Variants in KLHL7 observed in about 807,000 individuals in gnomAD.
KLHL7 encodes kelch like family member 7, also known as kelch-like protein 7.
A neutral mutation model predicts 67.4 loss-of-function variants in KLHL7; 44 were observed. The observed-to-expected ratio is 0.65, with a 90% CI of 0.51 to 0.84. KLHL7 has a LOEUF of 0.84. KLHL7 is among the 40% of genes least tolerant of loss of function. The pLI is 0.00. For synonymous variants in KLHL7, 252 were observed against 243.3 expected (o/e 1.04, Z -0.33); for missense variants, 362 against 718.1 (o/e 0.50, Z 5.67).
rs772888413 is a variant in KLHL7 at position 23,165,658 on chromosome 7, T to G, written c.937-40T>G. Reference sequence around the variant, plus strand: ...TTGCATTGTCCTTTTCAGTTATATTTTTTTCCTTACTGAAAGCTTCCCATC... The same window carrying G: ...TTGCATTGTCCTTTTCAGTTATATTGTTTTCCTTACTGAAAGCTTCCCATC... On this transcript the variant is annotated intron_variant, in intron 7 of 10. Coordinates refer to ENST00000339077, the MANE Select transcript of KLHL7 (RefSeq NM_001031710.3). 3 of 1,610,822 alleles carry G rather than the reference T, an allele frequency of 1.9e-6. No homozygotes were observed. The South Asian group carries it at 3.3e-5, about 18-fold the overall frequency.
chr7:23,110,367 C>A (rs774285273), intron 1 of KLHL7, among the ~76,000 whole-genome samples: 2 of 152,204 alleles, frequency 1.3e-5, no homozygotes, highest in Admixed American at 6.5e-5. Flanking sequence ...TAGGCTTTGG[C>A]TTCCTGGATG....
intron 1 of KLHL7, among the ~76,000 whole-genome samples, chr7:23,117,650 G>A (rs189983887): frequency 2.6e-5 from 4 of 152,202 alleles, no homozygotes; most frequent in South Asian, 4.1e-4. Context: ...TTCTAATTGT[G>A]TATGTGTTTA....
At chr7:23,146,666 C>CTTCT (rs71715676) in intron 6 of KLHL7, among the ~76,000 whole-genome samples, 175 of 145,850 alleles carry the variant, frequency 1.2e-3, no homozygotes, top group African/African-American at 3.6e-3. Context: ...TCTTCTTCTT[C>CTTCT]TTTTTTTTTT....
intron 7 of KLHL7, among the ~76,000 whole-genome samples, chr7:23,154,094 C>G (rs182319760): frequency 6.6e-5 from 10 of 152,338 alleles, no homozygotes; most frequent in Admixed American, 2.0e-4. Context: ...TGGCTCATGC[C>G]TGTAATCCCT....
intron 7 of KLHL7, among the ~76,000 whole-genome samples, chr7:23,157,118 C>G (rs1196310434): frequency 6.6e-6 from 1 of 152,162 alleles, no homozygotes; most frequent in African/African-American, 2.4e-5. Context: ...TTTAAAAGAT[C>G]ATGTGCATAA....
At chr7:23,168,315 C>T (rs1338702118) in intron 9 of KLHL7, among the ~76,000 whole-genome samples, 1 of 152,106 alleles carries the variant, frequency 6.6e-6, no homozygotes, top group Non-Finnish European at 1.5e-5. Context: ...GATTCGTCAA[C>T]TCATAAAATG....
intron 4 of KLHL7, chr7:23,126,150 A>G (rs1783565406): frequency 2.4e-6 from 1 of 410,950 alleles, no homozygotes; most frequent in Non-Finnish European, 4.6e-6. Context: ...CTTCATAACC[A>G]GGATGGTTTC....
At chr7:23,144,158 C>A (rs1333151097) in intron 6 of KLHL7, 133 bp downstream of exon 6, 28 of 787,142 alleles carry the variant, frequency 3.6e-5, no homozygotes, top group Non-Finnish European at 5.3e-5. Flanking sequence ...GATAGTTAAT[C>A]CCTTGGGTTT....
chr7:23,127,101 C>T (rs1336737706), intron 4 of KLHL7, among the ~76,000 whole-genome samples: 4 of 152,038 alleles, frequency 2.6e-5, no homozygotes, highest in African/African-American at 9.7e-5. Context: ...GGGGAATTAC[C>T]TTAATTAAGT....
Position 23,105,870 on chromosome 7 carries a change from T to A in KLHL7, c.-157T>A. On this transcript the variant is annotated 5_prime_UTR_variant, in exon 1 of 11. Coordinates refer to ENST00000339077, the MANE Select transcript of KLHL7 (RefSeq NM_001031710.3). ...GCCGCCCGGCCTTGTCTTTCGGCAG[T>A]GGCCGAGCCACCGCCGCCTGCCGCG... 5.3e-6 allele frequency: 6 copies of A among 1,139,174 alleles called. No individual in the cohort carries two copies. The highest frequency in any genetic ancestry group is 5.1e-6 in the Non-Finnish European group (4 of 791,630). The allele number at this position is 1,139,174 out of a possible 1,614,324, so 70.6% of individuals were successfully genotyped here. A position where few individuals can be genotyped will look rare whatever the true frequency, so the allele number is the denominator to read the frequency against.
Position 23,122,655 on chromosome 7 carries a change from C to T in KLHL7, c.121-1122C>T, listed in dbSNP as rs190983235. 2.0e-5 allele frequency among the ~76,000 whole-genome samples: 3 copies of T among 152,280 alleles called. No homozygotes were observed. In the East Asian group the frequency reaches 5.8e-4, roughly 29 times the overall value. ...TAAGCTGTAAAAGTGAAATTTTGTT[C>T]ATTTCCTAGCCTGCTATTTGAGGCT... On this transcript the variant is annotated intron_variant, in intron 1 of 10. Transcript: ENST00000339077.
intron 7 of KLHL7, among the ~76,000 whole-genome samples, chr7:23,154,336 C>T (rs1784632088): frequency 6.7e-6 from 1 of 148,180 alleles, no homozygotes; most frequent in Non-Finnish European, 1.5e-5. Context: ...GCCTGGGCAA[C>T]AGAGTGAGAC....
At chr7:23,119,707 A>G (rs1275248759) in intron 1 of KLHL7, among the ~76,000 whole-genome samples, 1 of 152,164 alleles carries the variant, frequency 6.6e-6, no homozygotes, top group Non-Finnish European at 1.5e-5. Context: ...TCAAATTGCC[A>G]CTTAATGAAG....
intron 9 of KLHL7, among the ~76,000 whole-genome samples, chr7:23,169,846 C>T (rs858269): frequency 0.063 from 9,615 of 152,140 alleles, 469 homozygotes; most frequent in African/African-American, 0.13. Context: ...CTTAAATTTT[C>T]ACAAATGAAA....
Position 23,159,340 on chromosome 7 carries a change from A to T in KLHL7, c.937-6358A>T, listed in dbSNP as rs112144702. 3.9e-3 allele frequency among the ~76,000 whole-genome samples: 593 copies of T among 151,846 alleles called. 5 individuals carry two copies. Among genetic ancestry groups the T allele is most frequent in the African/African-American group, 0.013 (538 of 41,390 alleles). ...CACCACACATGGCCATTTAAAAAAA[A>T]TTTTTTTGTGTGGAGACAAGGGTCT... On this transcript the variant is annotated intron_variant, in intron 7 of 10. Coordinates refer to ENST00000339077, the MANE Select transcript of KLHL7 (RefSeq NM_001031710.3).
At chr7:23,109,897 CTG>C (rs1782796157) in intron 1 of KLHL7, among the ~76,000 whole-genome samples, 1 of 152,066 alleles carries the variant, frequency 6.6e-6, no homozygotes, top group African/African-American at 2.4e-5. Flanking sequence ...TTTTCTTTTT[CTG>C]TCTGTCCAGC....
At chr7:23,173,775 A>G (rs763099088) in intron 10 of KLHL7, among the ~76,000 whole-genome samples, 1 of 152,214 alleles carries the variant, frequency 6.6e-6, no homozygotes, top group Non-Finnish European at 1.5e-5. Context: ...TAGATAAAAC[A>G]TGTTTAATTT....
Position 23,174,232 on chromosome 7 carries a change from A to C in KLHL7, c.1695A>C (p.Pro565=). 1 of 1,614,206 alleles carries C rather than the reference A, an allele frequency of 6.2e-7. No individual in the cohort carries two copies. The highest frequency in any genetic ancestry group is 8.5e-7 in the Non-Finnish European group (1 of 1,180,006). ...CCAACTCCAAAGTTCGTGCTTTTCC[A>C]GTCACAAGTTGTTTAATTTGTGTTG... ...WVANSKVRAF[P]VTSCLICVVD... The change falls in exon 11 of 11, where the codon CCA becomes CCC. Residue 565 remains proline (P), a synonymous_variant. Coordinates refer to ENST00000339077, the MANE Select transcript of KLHL7 (RefSeq NM_001031710.3).
chr7:23,150,643 C>T (rs1198439114), intron 6 of KLHL7, among the ~76,000 whole-genome samples: 1 of 152,038 alleles, frequency 6.6e-6, no homozygotes, highest in Non-Finnish European at 1.5e-5. Flanking sequence ...AGGGGAATTC[C>T]TGGGTTAAAG....
Sources: gnomAD v4.1 joint callset for allele counts (sites outside exome capture counted in the v4.1 genomes callset) on GRCh38, gnomAD v4.1.1 for gene constraint, MANE v1.5 for transcripts, NCBI Gene and HGNC (gene_info 2026-07-23, HGNC 2026-07-21) for gene names.